BMPR2: variants seen among roughly 807,000 people sequenced by gnomAD.
BMPR2 encodes the protein bone morphogenetic protein receptor type 2, also known as bone morphogenetic protein receptor type-2.
BMPR2 carries 29 observed loss-of-function variants against 100.8 expected under a neutral mutation model. The observed-to-expected ratio is 0.29, with a 90% CI of 0.21 to 0.39. BMPR2 has a LOEUF of 0.39. Among genes scored for constraint, BMPR2 ranks in the 10% least tolerant of loss-of-function variants. The pLI is 1.00. For missense variants in BMPR2, 1,011 were observed against 1,274.5 expected (o/e 0.79, Z 3.15); for synonymous variants, 382 against 442.3 (o/e 0.86, Z 1.71).
chr2:202,384,522 CTT>C (rs1690376455), intron 1 of BMPR2, among the ~76,000 whole-genome samples: 1 of 135,358 alleles, frequency 7.4e-6, no homozygotes, highest in African/African-American at 2.9e-5. Flanking sequence ...TTCTTTCTTT[CTT>C]TCTTTCTCTT....
At chr2:202,380,965 CTT>C (rs1159400445) in intron 1 of BMPR2, among the ~76,000 whole-genome samples, 8 of 70,786 alleles carry the variant, frequency 1.1e-4, no homozygotes, top group South Asian at 4.3e-4. Flanking sequence ...TTCTTTCTTT[CTT>C]TTTTTTTTTT....
chr2:202,442,432 T>C (rs980450138), intron 1 of BMPR2, among the ~76,000 whole-genome samples: 1 of 150,290 alleles, frequency 6.7e-6, no homozygotes, highest in African/African-American at 2.5e-5. Flanking sequence ...CTTCCTTTCT[T>C]TTTTTTTAAA....
chr2:202,427,358 C>CAAAAAAAAA (rs397872093), intron 1 of BMPR2, among the ~76,000 whole-genome samples: 1 of 78,860 alleles, frequency 1.3e-5, no homozygotes, highest in Non-Finnish European at 2.4e-5. Context: ...GACCCTGGCT[C>CAAAAAAAAA]AAAAAAAAAA....
chr2:202,459,797 G>A (rs1692190531), intron 1 of BMPR2, among the ~76,000 whole-genome samples: 1 of 152,158 alleles, frequency 6.6e-6, no homozygotes, highest in Non-Finnish European at 1.5e-5. Flanking sequence ...CTTCTGCATG[G>A]CAAAAGAAAC....
chr2:202,555,093 C>A (rs1688539579), intron 11 of BMPR2, among the ~76,000 whole-genome samples, 159 bp from the exon 12 acceptor site: 1 of 152,136 alleles, frequency 6.6e-6, no homozygotes, highest in Non-Finnish European at 1.5e-5. Flanking sequence ...TATTAATTGA[C>A]ACTTGATTAT....
At chr2:202,457,502 G>A (rs1199135420) in intron 1 of BMPR2, among the ~76,000 whole-genome samples, 1 of 146,722 alleles carries the variant, frequency 6.8e-6, no homozygotes, top group East Asian at 2.0e-4. Context: ...ATTATTTTTA[G>A]CAAGCAATAA....
At chr2:202,512,082 T>G (rs1394408366) in intron 3 of BMPR2, among the ~76,000 whole-genome samples, 9 of 152,024 alleles carry the variant, frequency 5.9e-5, no homozygotes, top group Admixed American at 5.9e-4. Context: ...TTAAGAGTAT[T>G]TCAGTGTTGT....
At chr2:202,504,796 C>T (rs1164863736) in intron 3 of BMPR2, among the ~76,000 whole-genome samples, 1 of 151,276 alleles carries the variant, frequency 6.6e-6, no homozygotes, top group Non-Finnish European at 1.5e-5. Context: ...TCTCCTGCCT[C>T]AGCCTCCCGA....
intron 1 of BMPR2, among the ~76,000 whole-genome samples, chr2:202,399,406 G>T (rs1690716213): frequency 6.6e-6 from 1 of 152,184 alleles, no homozygotes; most frequent in South Asian, 2.1e-4. Flanking sequence ...GATCGGAAAG[G>T]AGCTTGTTGT....
At chr2:202,452,157 G>A (rs1692004290) in intron 1 of BMPR2, among the ~76,000 whole-genome samples, 1 of 152,024 alleles carries the variant, frequency 6.6e-6, no homozygotes, top group African/African-American at 2.4e-5. Context: ...ATGCCCCTTT[G>A]TATTCTGTTT....
At chr2:202,521,836 GA>G (rs1480316674) in intron 7 of BMPR2, among the ~76,000 whole-genome samples, 1 of 151,952 alleles carries the variant, frequency 6.6e-6, no homozygotes, top group South Asian at 2.1e-4. Flanking sequence ...TAATTTTAAA[GA>G]AAAAAATATA....
chr2:202,492,168 A>C (rs1250065706), intron 3 of BMPR2, among the ~76,000 whole-genome samples: 1 of 152,148 alleles, frequency 6.6e-6, no homozygotes, highest in Admixed American at 6.5e-5. Context: ...CAGAATAGTG[A>C]CTATTTCTGG....
rs377316435 is a variant in BMPR2, at chr2:202,554,286, T to C, written c.1587-966T>C. Among the ~76,000 whole-genome samples, 5 of 152,258 alleles carry C rather than the reference T, an allele frequency of 3.3e-5. No individual in the cohort carries two copies. The East Asian group carries it at 7.7e-4, about 24-fold the overall frequency. ...CAGCTAAAGCTTTTATTTTGAATGC[T>C]TTCAAACTTTTCTTGAATGGTAAGA... is the stretch of plus-strand genomic sequence containing the variant. On this transcript the variant is annotated intron_variant, in intron 11 of 12. Coordinates refer to ENST00000374580, the MANE Select transcript of BMPR2 (RefSeq NM_001204.7).
chr2:202,451,625 G>A (rs1691986637), intron 1 of BMPR2, among the ~76,000 whole-genome samples: 1 of 152,184 alleles, frequency 6.6e-6, no homozygotes. Context: ...CATGAACCCA[G>A]GAGGCAGAGG....
intron 1 of BMPR2, among the ~76,000 whole-genome samples, chr2:202,406,362 G>A (rs537779217): frequency 6.6e-6 from 1 of 152,214 alleles, no homozygotes; most frequent in African/African-American, 2.4e-5. Context: ...CAGAGAAGAT[G>A]CTCTTACTTT....
intron 1 of BMPR2, among the ~76,000 whole-genome samples, chr2:202,383,691 AAAAAAC>A (rs1177377383): frequency 6.6e-6 from 1 of 151,504 alleles, no homozygotes; most frequent in Non-Finnish European, 1.5e-5. Context: ...AAAAAAAAGA[AAAAAAC>A]AAAATTAGCC....
At chr2:202,473,517 G>A (rs968690389) in intron 3 of BMPR2, among the ~76,000 whole-genome samples, 3 of 152,032 alleles carry the variant, frequency 2.0e-5, no homozygotes, top group African/African-American at 4.8e-5. Flanking sequence ...CTGGCCAGGC[G>A]CGGTGGCTTA....
Position 202,567,546 on chromosome 2 carries a change from A to G in BMPR2, c.*7600A>G, listed in dbSNP as rs1273630797. 3.3e-5 allele frequency: 5 copies of G among 152,674 alleles called. No homozygotes were observed. Among genetic ancestry groups the G allele is most frequent in the Non-Finnish European group, 7.3e-5 (5 of 68,046 alleles). The allele number at this position is 152,674 out of a possible 1,614,324, so 9.5% of individuals were successfully genotyped here. A position where few individuals can be genotyped will look rare whatever the true frequency, so the allele number is the denominator to read the frequency against. ...TTCTTTTGTATTATCTATGGATGCC[A>G]CTATGAAAGCTGACATTAAGCCACT... On this transcript the variant is annotated 3_prime_UTR_variant, in exon 13 of 13. Coordinates refer to ENST00000374580, the MANE Select transcript of BMPR2 (RefSeq NM_001204.7).
intron 9 of BMPR2, among the ~76,000 whole-genome samples, chr2:202,537,433 A>T (rs1688181563): frequency 6.6e-6 from 1 of 152,234 alleles, no homozygotes; most frequent in African/African-American, 2.4e-5. Context: ...AAGGCAATTA[A>T]ATCTTGTTTT....
Sources: allele counts gnomAD v4.1 joint callset (sites outside exome capture counted in the v4.1 genomes callset), GRCh38; gene constraint gnomAD v4.1.1; transcripts MANE v1.5; gene names NCBI Gene and HGNC (gene_info 2026-07-23, HGNC 2026-07-21).